The following NKAIN2 variants were observed in gnomAD, a reference collection of about 807,000 sequenced individuals.
NKAIN2 encodes the protein sodium/potassium-transporting ATPase subunit beta-1-interacting protein 2.
In NKAIN2, 14 loss-of-function variants were observed where a neutral mutation model predicts 32.6. The observed-to-expected ratio is 0.43, with a 90% CI of 0.28 to 0.67. The LOEUF (loss-of-function observed/expected upper bound fraction) is 0.67. NKAIN2 is among the 30% of genes least tolerant of loss of function. NKAIN2 has a pLI of 0.17. For missense variants in NKAIN2, 198 were observed against 258.3 expected, an observed-to-expected ratio of 0.77 and a Z score of 1.60; for synonymous variants, 80 against 87.2, an observed-to-expected ratio of 0.92 and a Z score of 0.46.
At position 123,979,790 on chromosome 6, in the gene NKAIN2, T is replaced by A. The variant is rs139322592; in HGVS notation, c.54+175536T>A. Among the ~76,000 whole-genome samples the A allele has an allele frequency of 2.0e-3, 303 of 152,316 alleles. 2 individuals carry two copies. The highest frequency in any genetic ancestry group is 6.9e-3 in the African/African-American group (289 of 41,584). On this transcript the variant is annotated intron_variant, in intron 1 of 6. Coordinates refer to ENST00000368417, the MANE Select transcript of NKAIN2 (RefSeq NM_001040214.3). Reference sequence around the variant, plus strand: ...AAGTTCTCTGTGTCTCCTTAAAACATTTCTGAGCTCAACTCTCATTTGAAT... The same window carrying A: ...AAGTTCTCTGTGTCTCCTTAAAACAATTCTGAGCTCAACTCTCATTTGAAT...
At chr6:123,962,623 G>A (rs1777897278) in intron 1 of NKAIN2, among the ~76,000 whole-genome samples, 1 of 152,112 alleles carries the variant, frequency 6.6e-6, no homozygotes, top group Non-Finnish European at 1.5e-5. Flanking sequence ...ACAGGTGTAA[G>A]GAAAATTGCA....
chr6:124,371,221 A>T (rs997768592), intron 3 of NKAIN2, among the ~76,000 whole-genome samples: 1 of 152,130 alleles, frequency 6.6e-6, no homozygotes. Flanking sequence ...AACAAAGTTA[A>T]CAGAATATTA....
intron 3 of NKAIN2, among the ~76,000 whole-genome samples, chr6:124,367,915 A>G (rs554601675): frequency 1.3e-5 from 2 of 152,304 alleles, no homozygotes; most frequent in Non-Finnish European, 2.9e-5. Context: ...TCAGAAAATT[A>G]CAGTGGTGTC....
intron 3 of NKAIN2, among the ~76,000 whole-genome samples, chr6:124,600,694 T>C (rs200741780): frequency 1.3e-5 from 2 of 152,232 alleles, no homozygotes; most frequent in East Asian, 3.9e-4. Flanking sequence ...GATTCTGTTT[T>C]ATTTGTCACA....
At chr6:124,749,099 G>A (rs188147810) in intron 4 of NKAIN2, among the ~76,000 whole-genome samples, 162 of 151,968 alleles carry the variant, frequency 1.1e-3, no homozygotes, top group Admixed American at 3.5e-3. Context: ...CTTTGAGGTT[G>A]TGTCACTGAG....
chr6:124,164,322 G>A (rs944385293), intron 1 of NKAIN2, among the ~76,000 whole-genome samples: 1 of 151,756 alleles, frequency 6.6e-6, no homozygotes, highest in Non-Finnish European at 1.5e-5. Context: ...ACTCAAATAG[G>A]CACCATGGAT....
intron 1 of NKAIN2, among the ~76,000 whole-genome samples, chr6:123,817,079 G>A (rs983311089): frequency 7.2e-5 from 11 of 152,144 alleles, no homozygotes; most frequent in African/African-American, 2.4e-4. Flanking sequence ...AGCTGGAACA[G>A]AATGATGTTT....
intron 4 of NKAIN2, among the ~76,000 whole-genome samples, chr6:124,716,069 T>C (rs143997521): frequency 0.015 from 2,338 of 152,316 alleles, 29 homozygotes; most frequent in Middle Eastern, 0.027. Context: ...TTAAAGTCTA[T>C]TGGCAACAAG....
At chr6:124,706,224 A>C (rs145762518) in intron 4 of NKAIN2, among the ~76,000 whole-genome samples, 87 of 152,246 alleles carry the variant, frequency 5.7e-4, no homozygotes, top group African/African-American at 2.1e-3. Context: ...ACATCTTATG[A>C]GTCTTTACTT....
At chr6:124,146,273 AAAAT>A (rs761586606) in intron 1 of NKAIN2, among the ~76,000 whole-genome samples, 18 of 152,212 alleles carry the variant, frequency 1.2e-4, no homozygotes, top group Non-Finnish European at 2.5e-4. Context: ...GTGGGCAAAA[AAAAT>A]GTACAGTTTT....
intron 1 of NKAIN2, among the ~76,000 whole-genome samples, chr6:124,061,344 T>C (rs1411144841): frequency 6.6e-6 from 1 of 152,180 alleles, no homozygotes; most frequent in Non-Finnish European, 1.5e-5. Flanking sequence ...TCTTTTTTAT[T>C]AACCCTTACA....
chr6:123,822,036 A>G (rs1773945863), intron 1 of NKAIN2, among the ~76,000 whole-genome samples: 1 of 152,200 alleles, frequency 6.6e-6, no homozygotes, highest in Admixed American at 6.5e-5. Context: ...AACATAAATT[A>G]ACTCTTTCAA....
At chr6:124,232,326 G>A (rs1792502841) in intron 1 of NKAIN2, among the ~76,000 whole-genome samples, 1 of 152,044 alleles carries the variant, frequency 6.6e-6, no homozygotes. Flanking sequence ...AACTAGAAAA[G>A]GCCAAGTGAA....
intron 1 of NKAIN2, among the ~76,000 whole-genome samples, chr6:124,126,999 C>T (rs971335238): frequency 6.6e-6 from 1 of 151,974 alleles, no homozygotes; most frequent in Non-Finnish European, 1.5e-5. Context: ...AAATCAAGAT[C>T]AGTTTCACAG....
At chr6:124,271,802 T>C (rs1794806103) in intron 1 of NKAIN2, among the ~76,000 whole-genome samples, 1 of 152,112 alleles carries the variant, frequency 6.6e-6, no homozygotes, top group Non-Finnish European at 1.5e-5. Flanking sequence ...TGGTCACAGA[T>C]GGAGATGAGG....
intron 3 of NKAIN2, among the ~76,000 whole-genome samples, chr6:124,362,136 ATAT>A (rs1194236471): frequency 2.6e-5 from 4 of 152,130 alleles, no homozygotes; most frequent in African/African-American, 4.8e-5. Flanking sequence ...AATTTAACAA[ATAT>A]TATGATGATA....
chr6:124,096,858 CAAAA>C (rs60102766), intron 1 of NKAIN2, among the ~76,000 whole-genome samples: 2 of 102,584 alleles, frequency 1.9e-5, no homozygotes, highest in Non-Finnish European at 1.9e-5. Flanking sequence ...ACTCCGTCTC[CAAAA>C]AAAAAAAAAA....
intron 3 of NKAIN2, among the ~76,000 whole-genome samples, chr6:124,463,348 T>C (rs537145135): frequency 6.6e-6 from 1 of 152,244 alleles, no homozygotes; most frequent in East Asian, 1.9e-4. Flanking sequence ...CACGTTTTAC[T>C]GTAGCAAGTG....
chr6:124,797,217 T>G (rs1264876867), intron 5 of NKAIN2, among the ~76,000 whole-genome samples: 1 of 151,676 alleles, frequency 6.6e-6, no homozygotes, highest in African/African-American at 2.4e-5. Context: ...CAATTTTTAT[T>G]ACTTCTCAAT....
Sources: allele counts gnomAD v4.1 joint callset (sites outside exome capture counted in the v4.1 genomes callset), GRCh38; gene constraint gnomAD v4.1.1; transcripts MANE v1.5; gene names NCBI Gene and HGNC (gene_info 2026-07-23, HGNC 2026-07-21).